Variants in NOD2 observed in about 807,000 individuals in gnomAD.
The protein encoded by NOD2 is nucleotide binding oligomerization domain containing 2.
Under a neutral mutation model 90.9 loss-of-function variants are expected in NOD2, and 86 were observed. The ratio of observed to expected loss-of-function variants is 0.95; its 90% CI spans 0.79 to 1.13. The LOEUF (loss-of-function observed/expected upper bound fraction) is 1.13. Among genes scored for constraint, NOD2 ranks in the 50% most tolerant of loss-of-function variants. The pLI, the probability that NOD2 is intolerant of heterozygous loss-of-function variation, is 0.00. For synonymous variants in NOD2, 581 were observed against 554.6 expected, an observed-to-expected ratio of 1.05 and a Z score of -0.67; for missense variants, 1,238 against 1,283.8, an observed-to-expected ratio of 0.96 and a Z score of 0.55.
chr16:50,704,538 T>A (rs1308453700), intron 2 of NOD2, among the ~76,000 whole-genome samples: 1 of 146,448 alleles, frequency 6.8e-6, no homozygotes, highest in Non-Finnish European at 1.5e-5. Flanking sequence ...AAACCTTTTT[T>A]TTTTTTTCTT....
chr16:50,731,631 C>T, intron 11 of NOD2, 116 bp from the exon 12 acceptor site: 1 of 761,580 alleles, frequency 1.3e-6, no homozygotes, highest in Non-Finnish European at 2.3e-6. Flanking sequence ...AACACTGCAG[C>T]TGGGCCAGAG....
intron 10 of NOD2, among the ~76,000 whole-genome samples, chr16:50,727,008 C>T (rs1675530139): frequency 6.6e-6 from 1 of 151,948 alleles, no homozygotes; most frequent in Non-Finnish European, 1.5e-5. Context: ...GGCGTGGTGG[C>T]ATACACCTGT....
At chr16:50,717,772 A>T (rs1171144821) in intron 6 of NOD2, among the ~76,000 whole-genome samples, 3 of 152,204 alleles carry the variant, frequency 2.0e-5, no homozygotes, top group African/African-American at 7.2e-5. Flanking sequence ...CCTCAGACTC[A>T]CAAGCCTGGA....
chr16:50,705,880 C>G (rs1368333879), intron 2 of NOD2, among the ~76,000 whole-genome samples: 1 of 152,148 alleles, frequency 6.6e-6, no homozygotes, highest in Non-Finnish European at 1.5e-5. Context: ...AGACAAAAAT[C>G]TTTGTCTTGG....
rs141325216 is a variant in NOD2 at position 50,698,760 on chromosome 16, A to G, written c.-8-728A>G. Among the ~76,000 whole-genome samples the G allele has an allele frequency of 2.0e-3, 304 of 152,282 alleles. 1 individual carries two copies. The highest frequency in any genetic ancestry group is 7.0e-3 in the African/African-American group (290 of 41,554). On this transcript the variant is annotated intron_variant, in intron 1 of 11. Transcript: ENST00000647318. ...CTGGGAGGGTTCAGTGAATTCCTGC[A>G]GGAGAGCACTTAGAATGGCACTTGG... is the stretch of plus-strand genomic sequence containing the variant.
At position 50,699,530 on chromosome 16, in the gene NOD2, G is replaced by A. The variant is rs1567380395; in HGVS notation, c.35G>A (p.Ser12Asn). The change falls in exon 2 of 12, where the codon AGC becomes AAC. Residue 12 changes from serine (S) to asparagine (N), a missense_variant. This residue lies in a region of NOD2 where 567 missense variants were observed against 577.3 expected (regional missense o/e 0.98). Transcript: ENST00000647318. Reference protein sequence around the residue: ...CSQEAFQAQRSQLVELLVSGS... With the variant: ...CSQEAFQAQRNQLVELLVSGS... ...CAGGAGGCTTTTCAGGCACAGAGGA[G>A]CCAGCTGGTCGAGCTGCTGGTCTCA... 4 of 1,613,910 alleles carry A rather than the reference G, an allele frequency of 2.5e-6. No homozygotes were observed. Among genetic ancestry groups the A allele is most frequent in the Non-Finnish European group, 2.5e-6 (3 of 1,180,012 alleles).
intron 11 of NOD2, among the ~76,000 whole-genome samples, chr16:50,731,060 C>G (rs1596920495): frequency 1.3e-5 from 2 of 152,190 alleles, no homozygotes; most frequent in East Asian, 3.9e-4. Context: ...TTCCTAGCCA[C>G]TTGGGAGGCT....
chr16:50,729,030 G>A (rs1965362564), intron 10 of NOD2: 1 of 154,798 alleles, frequency 6.5e-6, no homozygotes, highest in Non-Finnish European at 1.4e-5. Context: ...CGTGGCTGGG[G>A]AGGTCTCACA....
At position 50,706,156 on chromosome 16, in the gene NOD2, C is replaced by T. The variant is rs75279868; in HGVS notation, c.460-1699C>T. On this transcript the variant is annotated intron_variant, in intron 2 of 11. Transcript: ENST00000647318. The stretch of plus-strand genomic sequence containing the variant: ...AAGGCTTCCAAGCTGAGAGGACAGC[C>T]AGAGCCAAGGCCCAGAGGCAGGAGC... Among the ~76,000 whole-genome samples the T allele has an allele frequency of 7.2e-5, 11 of 152,260 alleles. No individual in the cohort carries two copies. The East Asian group carries it at 2.1e-3, about 29-fold the overall frequency.
intron 3 of NOD2, chr16:50,710,163 C>T (rs74600858): frequency 0.028 from 10,581 of 383,222 alleles, 529 homozygotes; most frequent in South Asian, 0.12. Flanking sequence ...ACAGGTCTTC[C>T]GATCCCAGCC....
intron 10 of NOD2, among the ~76,000 whole-genome samples, chr16:50,729,575 C>A (rs568517773): frequency 6.6e-6 from 1 of 152,260 alleles, no homozygotes; most frequent in Non-Finnish European, 1.5e-5. Flanking sequence ...AACCACTATC[C>A]TAAGGGAGTG....
At chr16:50,697,608 C>A in intron 1 of NOD2, 1 of 465,636 alleles carries the variant, frequency 2.1e-6, no homozygotes, top group Non-Finnish European at 4.0e-6. Context: ...CCTCGGCCAC[C>A]CCACCCTCTT....
rs1963820664 is a variant in NOD2 at position 50,699,471 on chromosome 16, C to T, written c.-8-17C>T. 1 of 1,610,590 alleles carries T rather than the reference C, an allele frequency of 6.2e-7. No homozygotes were observed. The highest frequency in any genetic ancestry group is 2.2e-5 in the East Asian group (1 of 44,856). On this transcript the variant is annotated splice_polypyrimidine_tract_variant and intron_variant, in intron 1 of 11. Transcript: ENST00000647318. ...GCTTCTGGAGAAGTCCCGCACTGAC[C>T]TTGTTCTCCTCCCCAGGTTGTGAAA...
At chr16:50,696,790 GTGATGTAGC>G (rs1348755276) in intron 1 of NOD2, among the ~76,000 whole-genome samples, 3 of 152,234 alleles carry the variant, frequency 2.0e-5, no homozygotes, top group Admixed American at 1.3e-4. Flanking sequence ...CAGAGGTGTG[GTGATGTAGC>G]TGCTGGGAGG....
rs563227941 is a variant in NOD2 at position 50,708,077 on chromosome 16, A to G, written c.565+117A>G. The stretch of plus-strand genomic sequence containing the variant: ...ATGCTGGCAGTATAGCCTCCCTATG[A>G]CTCAATTTCCTTGTTTTAAGGCTAG... On this transcript the variant is annotated intron_variant, in intron 3 of 11. Coordinates refer to ENST00000647318, the MANE Select transcript of NOD2 (RefSeq NM_001370466.1). The G allele has an allele frequency of 6.6e-6, 5 of 759,246 alleles. No homozygotes were observed. The South Asian group carries it at 7.1e-5, about 11-fold the overall frequency. The allele number at this position is 759,246 out of a possible 1,614,324, so 47.0% of individuals were successfully genotyped here.
intron 3 of NOD2, among the ~76,000 whole-genome samples, chr16:50,708,760 A>G (rs1458149910): frequency 1.4e-4 from 21 of 152,196 alleles, no homozygotes; most frequent in Admixed American, 1.2e-3. Flanking sequence ...AGATGGGTCT[A>G]TCACCCTGGG....
At chr16:50,703,783 G>C (rs1192251921) in intron 2 of NOD2, among the ~76,000 whole-genome samples, 1 of 152,098 alleles carries the variant, frequency 6.6e-6, no homozygotes, top group Non-Finnish European at 1.5e-5. Flanking sequence ...ACTTGGTCTG[G>C]CTTTTCCTTC....
rs562972090 is a variant in NOD2, at chr16:50,732,281, C to A, written c.*462C>A. ...TCAGGAAGCAGCTTTCCCCATGTCT[C>A]GACTCATCCATCCAGGCCATTCCCC... is the stretch of plus-strand genomic sequence containing the variant. On this transcript the variant is annotated 3_prime_UTR_variant, in exon 12 of 12. Coordinates refer to ENST00000647318, the MANE Select transcript of NOD2 (RefSeq NM_001370466.1). 134 of 228,556 alleles carry A rather than the reference C, an allele frequency of 5.9e-4. 2 individuals are homozygous for A. Among genetic ancestry groups the A allele is most frequent in the South Asian group, 4.3e-3 (66 of 15,460 alleles). 14.2% of individuals were successfully genotyped at this position (228,556 alleles called of 1,614,324 possible). A position where few individuals can be genotyped will look rare whatever the true frequency, so the allele number is the denominator to read the frequency against.
intron 11 of NOD2, among the ~76,000 whole-genome samples, chr16:50,730,695 A>C (rs1391618595): frequency 1.3e-5 from 2 of 152,230 alleles, no homozygotes; most frequent in African/African-American, 4.8e-5. Context: ...TCCAGTAGTT[A>C]ACCAGAGTAC....
Sources: gnomAD v4.1 joint callset for allele counts (sites outside exome capture counted in the v4.1 genomes callset) on GRCh38, gnomAD v4.1.1 for gene constraint, gnomAD v4.1.1 regional missense constraint, MANE v1.5 for transcripts, NCBI Gene and HGNC (gene_info 2026-07-23, HGNC 2026-07-21) for gene names.